SPTLC3: variants seen among roughly 807,000 people sequenced by gnomAD.
SPTLC3 encodes serine palmitoyltransferase long chain base subunit 3.
In SPTLC3, 36 loss-of-function variants were observed where a neutral mutation model predicts 59.3. That is an observed-to-expected ratio of 0.61 (90% CI 0.47 to 0.80). The LOEUF is 0.80. Among genes scored for constraint, SPTLC3 ranks in the 30% least tolerant of loss-of-function variants. The pLI is 0.00. For missense variants in SPTLC3, 625 were observed against 685.1 expected, an observed-to-expected ratio of 0.91 and a Z score of 0.98; for synonymous variants, 257 against 240.8, an observed-to-expected ratio of 1.07 and a Z score of -0.62.
intron 3 of SPTLC3, chr20:13,073,603 T>G: frequency 4.3e-6 from 1 of 231,938 alleles, no homozygotes; most frequent in Non-Finnish European, 8.8e-6. Context: ...TGGGTAGGAG[T>G]TTGTTGACTT....
At chr20:13,025,429 C>T (rs1053549824) in intron 1 of SPTLC3, among the ~76,000 whole-genome samples, 9 of 152,140 alleles carry the variant, frequency 5.9e-5, no homozygotes, top group Non-Finnish European at 1.3e-4. Flanking sequence ...TGAATCCCAG[C>T]TTCATGGTGG....
intron 1 of SPTLC3, among the ~76,000 whole-genome samples, chr20:13,015,881 A>G (rs1985504482): frequency 2.6e-5 from 4 of 152,116 alleles, no homozygotes. Flanking sequence ...CTTTATAACT[A>G]TGATATAATA....
chr20:13,164,169 G>T (rs934531979), intron 11 of SPTLC3, among the ~76,000 whole-genome samples: 2 of 152,016 alleles, frequency 1.3e-5, no homozygotes, highest in Non-Finnish European at 2.9e-5. Context: ...TGTGCAAAAT[G>T]GGGGATACAT....
intron 6 of SPTLC3, among the ~76,000 whole-genome samples, chr20:13,101,064 A>C (rs1989584124): frequency 2.6e-5 from 4 of 152,212 alleles, no homozygotes; most frequent in Admixed American, 2.6e-4. Context: ...CAGAGTGGAC[A>C]ACAGGACCTC....
chr20:13,020,332 C>CA (rs1985805733), intron 1 of SPTLC3, among the ~76,000 whole-genome samples: 2 of 145,462 alleles, frequency 1.4e-5, no homozygotes, highest in Admixed American at 1.4e-4. Flanking sequence ...GGAAACATGG[C>CA]AAGACCCCAT....
rs144114976 is a variant in SPTLC3, at chr20:13,099,603, T to C, written c.826+6026T>C. Among the ~76,000 whole-genome samples, 589 of 152,256 alleles carry C rather than the reference T, an allele frequency of 3.9e-3. 4 individuals carry two copies. The highest frequency in any genetic ancestry group is 0.013 in the African/African-American group (554 of 41,542). On this transcript the variant is annotated intron_variant, in intron 6 of 11. Coordinates refer to ENST00000399002, the MANE Select transcript of SPTLC3 (RefSeq NM_018327.4). ...ATTTACATCACAAAAACAGACCCCT[T>C]GAGAGCAGTTATTTCCAGGGTCCTC...
intron 2 of SPTLC3, among the ~76,000 whole-genome samples, chr20:13,054,811 G>T (rs577331883): frequency 1.3e-5 from 2 of 152,222 alleles, no homozygotes; most frequent in Admixed American, 1.3e-4. Context: ...TCAGCATGTC[G>T]ACAGGAATCA....
At chr20:13,099,130 T>G (rs1004148044) in intron 6 of SPTLC3, among the ~76,000 whole-genome samples, 1 of 152,150 alleles carries the variant, frequency 6.6e-6, no homozygotes, top group Admixed American at 6.5e-5. Context: ...AAAGAGACTA[T>G]CCACGTAGGT....
At chr20:13,115,125 T>C (rs1990461505) in intron 7 of SPTLC3, among the ~76,000 whole-genome samples, 1 of 152,236 alleles carries the variant, frequency 6.6e-6, no homozygotes, top group Admixed American at 6.5e-5. Context: ...GTTTTCTGTA[T>C]CATTTTTGGC....
At chr20:13,080,380 C>T (rs1262081114) in intron 4 of SPTLC3, among the ~76,000 whole-genome samples, 5 of 151,980 alleles carry the variant, frequency 3.3e-5, no homozygotes, top group African/African-American at 4.8e-5. Flanking sequence ...TGGTGGCATG[C>T]GCCTGTACTC....
intron 9 of SPTLC3, among the ~76,000 whole-genome samples, chr20:13,135,903 C>G (rs1247840053): frequency 2.0e-5 from 3 of 152,156 alleles, no homozygotes; most frequent in African/African-American, 7.2e-5. Flanking sequence ...ATCACAAAAC[C>G]ACATTTTGTA....
At chr20:13,156,947 A>G (rs1168651743) in intron 10 of SPTLC3, among the ~76,000 whole-genome samples, 1 of 152,190 alleles carries the variant, frequency 6.6e-6, no homozygotes, top group Non-Finnish European at 1.5e-5. Context: ...CTGCTTCCAT[A>G]TTGCTATATT....
At chr20:13,056,553 A>G (rs945960571) in intron 2 of SPTLC3, among the ~76,000 whole-genome samples, 2 of 149,656 alleles carry the variant, frequency 1.3e-5, no homozygotes, top group Non-Finnish European at 3.0e-5. Context: ...GGCTCAAGTG[A>G]TCCTCCCACC....
intron 9 of SPTLC3, among the ~76,000 whole-genome samples, chr20:13,144,121 G>A (rs1442963573): frequency 1.3e-5 from 2 of 152,104 alleles, no homozygotes; most frequent in African/African-American, 4.8e-5. Context: ...TCCCATGACT[G>A]GAATCCAAAC....
At chr20:13,071,538 T>G (rs1482918189) in intron 2 of SPTLC3, among the ~76,000 whole-genome samples, 2 of 152,210 alleles carry the variant, frequency 1.3e-5, no homozygotes, top group Non-Finnish European at 2.9e-5. Context: ...ATCAGTCAGA[T>G]TTGCTTCAGC....
intron 8 of SPTLC3, among the ~76,000 whole-genome samples, chr20:13,118,874 C>T (rs1990741752): frequency 6.6e-6 from 1 of 152,250 alleles, no homozygotes; most frequent in Non-Finnish European, 1.5e-5. Flanking sequence ...ACTGGCCCTG[C>T]CATGAAATGC....
At chr20:13,113,908 T>C (rs1990386079) in intron 7 of SPTLC3, among the ~76,000 whole-genome samples, 1 of 152,230 alleles carries the variant, frequency 6.6e-6, no homozygotes, top group African/African-American at 2.4e-5. Flanking sequence ...TGTCTACTCC[T>C]TGCTAAACAT....
intron 10 of SPTLC3, among the ~76,000 whole-genome samples, chr20:13,155,013 T>C (rs2038734556): frequency 6.6e-6 from 1 of 151,982 alleles, no homozygotes; most frequent in Non-Finnish European, 1.5e-5. Flanking sequence ...AGACCCTGTC[T>C]CTACTAAAAA....
Position 13,012,220 on chromosome 20 carries a change from G to GA in SPTLC3, c.117+2845dup, listed in dbSNP as rs200607961. On this transcript the variant is annotated intron_variant, in intron 1 of 11. Transcript: ENST00000399002. ...TTCTCTTAAACGAAACCTGCAGGATGAAAAAAAAATTGTAAAGTTTTCCTA... is the reference window on the plus strand; with the variant it reads ...TTCTCTTAAACGAAACCTGCAGGATGAAAAAAAAAATTGTAAAGTTTTCCTA... Among the ~76,000 whole-genome samples the GA allele has an allele frequency of 5.3e-4, 80 of 151,148 alleles. No homozygotes were observed. In the East Asian group the frequency reaches 0.011, roughly 22 times the overall value.
Sources: allele counts gnomAD v4.1 joint callset (sites outside exome capture counted in the v4.1 genomes callset), GRCh38; gene constraint gnomAD v4.1.1; transcripts MANE v1.5; gene names NCBI Gene and HGNC (gene_info 2026-07-23, HGNC 2026-07-21).